JADE2: variants seen among roughly 807,000 people sequenced by gnomAD.
The protein encoded by JADE2 is E3 ubiquitin-protein ligase Jade-2.
A neutral mutation model predicts 85.7 loss-of-function variants in JADE2; 13 were observed. The observed-to-expected ratio is 0.15, with a 90% CI of 0.10 to 0.24. The LOEUF (loss-of-function observed/expected upper bound fraction) is 0.24, where lower values mean the gene tolerates loss of function less well. Ranked by LOEUF, JADE2 falls within the 10% of genes least tolerant of loss-of-function variation. The pLI is 1.00. For missense variants in JADE2, 846 were observed against 1,115.9 expected (o/e 0.76, Z 3.45); for synonymous variants, 440 against 456.1 (o/e 0.96, Z 0.45).
chr5:134,569,901 C>T (rs574859420), intron 9 of JADE2, among the ~76,000 whole-genome samples: 1 of 152,288 alleles, frequency 6.6e-6, no homozygotes, highest in Admixed American at 6.5e-5. Flanking sequence ...GCCCTTGCCT[C>T]ACCCAAGCCC....
At chr5:134,535,299 G>A (rs951963385) in intron 1 of JADE2, among the ~76,000 whole-genome samples, 2 of 152,144 alleles carry the variant, frequency 1.3e-5, no homozygotes, top group African/African-American at 2.4e-5. Context: ...TGTGTCTCAG[G>A]GACCCAGCCT....
chr5:134,555,643 T>C (rs1359607620), intron 4 of JADE2, among the ~76,000 whole-genome samples: 1 of 152,230 alleles, frequency 6.6e-6, no homozygotes, highest in Non-Finnish European at 1.5e-5. Flanking sequence ...ATGTGGGTAG[T>C]TATGCCAGGA....
Position 134,562,009 on chromosome 5 carries a change from G to T in JADE2, c.685-191G>T, listed in dbSNP as rs1252411674. ...GGTGGCATTTCAGGCATACAAGCAG[G>T]CCAAGGAGGGCTTTCCAGGAGCCCT... On this transcript the variant is annotated intron_variant, in intron 6 of 11. Transcript: ENST00000681547. The surrounding 1 kb of genome is among the most constrained non-coding windows in gnomAD (Gnocchi z 4.6). 6.6e-6 allele frequency among the ~76,000 whole-genome samples: 1 copy of T among 152,140 alleles called. No individual in the cohort carries two copies. Among genetic ancestry groups the T allele is most frequent in the African/African-American group, 2.4e-5 (1 of 41,428 alleles).
Position 134,562,261 on chromosome 5 carries a change from G to T in JADE2, c.746G>T (p.Gly249Val). 1 of 1,614,080 alleles carries T rather than the reference G, an allele frequency of 6.2e-7. No homozygotes were observed. Among genetic ancestry groups the T allele is most frequent in the Non-Finnish European group, 8.5e-7 (1 of 1,179,990 alleles). ...TGGCTGTGCCGGACGTGTGCCCTGGGTGTCCAGCCAAAGTGCCTGCTCTGC... is the reference window on the plus strand; with the variant it reads ...TGGCTGTGCCGGACGTGTGCCCTGGTTGTCCAGCCAAAGTGCCTGCTCTGC... The part of the protein sequence containing the change: ...GSWLCRTCAL[G>V]VQPKCLLCPK... The change falls in exon 7 of 12, where the codon GGT (glycine) becomes GTT (valine). Residue 249 changes from glycine to valine, a missense_variant. Coordinates refer to ENST00000681547, the MANE Select transcript of JADE2 (RefSeq NM_001388185.1). This position sits in a 1 kb window ranked among gnomAD's most constrained non-coding sequence, Gnocchi z 4.6.
chr5:134,542,741 C>G (rs1447302316), intron 3 of JADE2, among the ~76,000 whole-genome samples: 2 of 147,862 alleles, frequency 1.4e-5, no homozygotes, highest in East Asian at 4.1e-4. Context: ...CATGCCTGGC[C>G]TTTTTTTTTG....
At chr5:134,526,827 C>G (rs1277649514) in intron 1 of JADE2, 4 of 886,880 alleles carry the variant, frequency 4.5e-6, no homozygotes, top group Non-Finnish European at 5.4e-6. Context: ...CCTCCACCTC[C>G]GGGGCCGCGC....
chr5:134,560,060 G>A, intron 5 of JADE2, 70 bp downstream of exon 5: 10 of 1,565,818 alleles, frequency 6.4e-6, no homozygotes, highest in Middle Eastern at 1.7e-4. Flanking sequence ...TCCCGAGAGG[G>A]ACAGTGGCCC....
chr5:134,571,856 G>T (rs561619860), intron 9 of JADE2, among the ~76,000 whole-genome samples: 120 of 152,332 alleles, frequency 7.9e-4, no homozygotes, highest in African/African-American at 2.6e-3. Context: ...GGCCTGGCTT[G>T]GATTCCTCGT....
intron 4 of JADE2, among the ~76,000 whole-genome samples, chr5:134,559,053 G>T (rs1053084626): frequency 2.4e-4 from 36 of 152,352 alleles, no homozygotes; most frequent in African/African-American, 8.2e-4. Flanking sequence ...GCACATCTTT[G>T]TATCCAAGGG....
At chr5:134,573,908 C>G (rs1466021203) in intron 10 of JADE2, 146 bp downstream of exon 10, 1 of 736,636 alleles carries the variant, frequency 1.4e-6, no homozygotes, top group African/African-American at 1.7e-5. Flanking sequence ...CCTTCACCAT[C>G]CAATTAGTAG....
intron 9 of JADE2, among the ~76,000 whole-genome samples, chr5:134,570,066 C>T (rs541471679): frequency 2.2e-4 from 33 of 152,190 alleles, no homozygotes; most frequent in Non-Finnish European, 2.4e-4. Context: ...ATGGCACTGG[C>T]CTGCTATGCC....
At chr5:134,531,327 A>ATT (rs1170799873) in intron 1 of JADE2, among the ~76,000 whole-genome samples, 1 of 152,190 alleles carries the variant, frequency 6.6e-6, no homozygotes, top group Non-Finnish European at 1.5e-5. Context: ...CAGGGGCCAG[A>ATT]TTGTGTAGGG....
In JADE2 at chr5:134,578,522, T is replaced by A. The variant is rs115596967; in HGVS notation, c.1710T>A (p.Asp570Glu). 1 of 1,597,564 alleles carries A rather than the reference T, an allele frequency of 6.3e-7. No individual in the cohort carries two copies. The highest frequency in any genetic ancestry group is 1.1e-5 in the South Asian group (1 of 89,646). The change falls in exon 12 of 12, where the codon GAT (aspartate) becomes GAA (glutamate). Residue 570 changes from aspartate to glutamate, a missense_variant. Transcript: ENST00000681547. The surrounding 1 kb of genome is among the most constrained non-coding windows in gnomAD (Gnocchi z 4.4). Reference sequence around the variant, plus strand: ...GCCTGTCCACCTCATTCCCCATCGATGGCACCTTCTTCAACAGCTGGCTGG... The same window carrying A: ...GCCTGTCCACCTCATTCCCCATCGAAGGCACCTTCTTCAACAGCTGGCTGG... The part of the protein sequence containing the change: ...LAGLSTSFPI[D>E]GTFFNSWLAQ...
At chr5:134,560,695 C>CA in intron 5 of JADE2, 51 bp from the exon 6 acceptor site, 1 of 1,524,164 alleles carries the variant, frequency 6.6e-7, no homozygotes, top group Non-Finnish European at 9.0e-7. Flanking sequence ...CTTCAAAGCT[C>CA]AAAGGAGGCT....
chr5:134,573,123 T>C (rs560287992), intron 9 of JADE2, among the ~76,000 whole-genome samples: 53 of 152,340 alleles, frequency 3.5e-4, no homozygotes, highest in African/African-American at 1.2e-3. Flanking sequence ...CCGGGGCCAT[T>C]TGTGGCTCAG....
Position 134,579,340 on chromosome 5 carries a change from G to A in JADE2, c.*23G>A, listed in dbSNP as rs1368002498. ...TAACTCACCCCCTTCCCTGTCCCAGGCCCTGCCCTGGTCCCCCCACAAGGC... is the reference window on the plus strand; with the variant it reads ...TAACTCACCCCCTTCCCTGTCCCAGACCCTGCCCTGGTCCCCCCACAAGGC... On this transcript the variant is annotated 3_prime_UTR_variant, in exon 12 of 12. Transcript: ENST00000681547. The surrounding 1 kb of genome is among the most constrained non-coding windows in gnomAD (Gnocchi z 4.6). 1.3e-6 allele frequency: 2 copies of A among 1,523,504 alleles called. No individual in the cohort carries two copies. The highest frequency in any genetic ancestry group is 1.8e-6 in the Non-Finnish European group (2 of 1,133,076). The allele number at this position is 1,523,504 out of a possible 1,614,324, so 94.4% of individuals were successfully genotyped here.
intron 9 of JADE2, among the ~76,000 whole-genome samples, chr5:134,572,835 C>T (rs1288075915): frequency 2.6e-5 from 4 of 152,228 alleles, no homozygotes; most frequent in Non-Finnish European, 5.9e-5. Flanking sequence ...GGGTCCATGT[C>T]CCATGAGCTT....
chr5:134,529,730 G>A (rs1013408204), intron 1 of JADE2, among the ~76,000 whole-genome samples: 4 of 152,262 alleles, frequency 2.6e-5, no homozygotes, highest in Admixed American at 6.5e-5. Context: ...CTTCTCTGCA[G>A]AAGGGATCAG....
At chr5:134,543,581 G>A (rs1477288039) in intron 3 of JADE2, among the ~76,000 whole-genome samples, 1 of 152,078 alleles carries the variant, frequency 6.6e-6, no homozygotes, top group Non-Finnish European at 1.5e-5. Flanking sequence ...GGAGGTTGAG[G>A]CAGGAGGATC....
Sources: gnomAD v4.1 joint callset for allele counts (sites outside exome capture counted in the v4.1 genomes callset) on GRCh38, gnomAD v4.1.1 for gene constraint, Gnocchi (gnomAD v3.1) non-coding constraint, MANE v1.5 for transcripts, NCBI Gene and HGNC (gene_info 2026-07-23, HGNC 2026-07-21) for gene names.